The following CHUK variants were observed in gnomAD, a reference collection of about 807,000 sequenced individuals.
The protein encoded by CHUK is inhibitor of nuclear factor kappa-B kinase subunit alpha.
In CHUK, 35 loss-of-function variants were observed where a neutral mutation model predicts 104.8. The ratio of observed to expected loss-of-function variants is 0.33; its 90% CI spans 0.26 to 0.44. The LOEUF (loss-of-function observed/expected upper bound fraction) is 0.44. Ranked by LOEUF, CHUK falls within the 20% of genes least tolerant of loss-of-function variation. The probability of loss-of-function intolerance (pLI) is 1.00; values close to 1 mark genes in which losing one functional copy is unlikely to be tolerated. For missense variants in CHUK, 663 were observed against 902.7 expected (o/e 0.73, Z 3.40); for synonymous variants, 276 against 291.9 (o/e 0.95, Z 0.56).
In CHUK at chr10:100,194,040, T is replaced by G; in HGVS notation, c.1918A>C (p.Met640Leu). 6.2e-7 allele frequency: 1 copy of G among 1,613,852 alleles called. No homozygotes were observed. The highest frequency in any genetic ancestry group is 8.5e-7 in the Non-Finnish European group (1 of 1,179,772). The change falls in exon 18 of 21, where the codon ATG becomes CTG. Residue 640 changes from methionine to leucine, a missense_variant. Physicochemically the swap from Met to Leu is conservative, Grantham distance 15. Around this residue, in one of 5 missense-constraint regions of CHUK, gnomAD observed 311 missense variants for 393.4 expected, o/e 0.79. Transcript: ENST00000370397. ...TTCTGCCTTTTTCCCTGCATGAACA[T>G]GACAGTATTGTCAGCTTCTTTGATA... ...SNIKEADNTVMFMQGKRQKEI... is the reference protein window; with the variant it reads ...SNIKEADNTVLFMQGKRQKEI...
chr10:100,204,701 T>C (rs1845550621), intron 12 of CHUK, 44 bp from the exon 13 acceptor site: 5 of 1,482,454 alleles, frequency 3.4e-6, no homozygotes, highest in Admixed American at 1.7e-5. Context: ...AAAGATATTA[T>C]CAGCATTCAG....
chr10:100,192,290 A>G (rs956687641), intron 19 of CHUK, among the ~76,000 whole-genome samples: 6 of 152,240 alleles, frequency 3.9e-5, no homozygotes, highest in Admixed American at 3.9e-4. Context: ...AAAAGTAAGT[A>G]AAGTATTAAA....
At chr10:100,213,012 AAAAG>A (rs1845765122) in intron 9 of CHUK, among the ~76,000 whole-genome samples, 1 of 151,902 alleles carries the variant, frequency 6.6e-6, no homozygotes, top group African/African-American at 2.4e-5. Context: ...AAAAAAAAAA[AAAAG>A]AAAGAAGAAA....
chr10:100,186,951 G>C (rs931952173), downstream of CHUK: 3 of 152,332 alleles, frequency 2.0e-5, no homozygotes, highest in Middle Eastern at 3.4e-3. Context: ...TCAGGCATTA[G>C]ATTCTCACAG....
rs2230803 is a variant in CHUK, at chr10:100,220,598, A to G, written c.464T>C (p.Val155Ala). 5.7e-3 allele frequency: 9,101 copies of G among 1,609,226 alleles called. 274 individuals carry two copies. The highest frequency in any genetic ancestry group is 0.056 in the East Asian group (2,492 of 44,758). ...LKPENIVLQDVGGKIIHKIID... is the reference protein window; with the variant it reads ...LKPENIVLQDAGGKIIHKIID... ...TCAGGTTTCACCTACCTTTCCACCAACATCCTGAAGAACTATGTTTTCAGG... is the reference window on the plus strand; with the variant it reads ...TCAGGTTTCACCTACCTTTCCACCAGCATCCTGAAGAACTATGTTTTCAGG... The change falls in exon 5 of 21, where the codon GTT (valine) becomes GCT (alanine). Residue 155 changes from valine (V) to alanine (A), a missense_variant. Around this residue, in one of 5 missense-constraint regions of CHUK, gnomAD observed 200 missense variants for 333.0 expected, o/e 0.60. Transcript: ENST00000370397.
chr10:100,216,677 C>T (rs931813315), intron 9 of CHUK, among the ~76,000 whole-genome samples: 1 of 152,212 alleles, frequency 6.6e-6, no homozygotes, highest in African/African-American at 2.4e-5. Context: ...TCCAACATTA[C>T]ATGATTATAA....
At chr10:100,222,538 G>A (rs1373745232) in intron 3 of CHUK, among the ~76,000 whole-genome samples, 1 of 152,132 alleles carries the variant, frequency 6.6e-6, no homozygotes, top group Non-Finnish European at 1.5e-5. Context: ...TAACACCATT[G>A]CTATAGTCCC....
At chr10:100,196,944 CCTA>C (rs1845346380) in intron 16 of CHUK, among the ~76,000 whole-genome samples, 2 of 152,208 alleles carry the variant, frequency 1.3e-5, no homozygotes. Flanking sequence ...GCTAATCCCT[CCTA>C]CTGTTCTTTG....
chr10:100,204,037 A>T (rs17881130), intron 13 of CHUK, among the ~76,000 whole-genome samples: 1,931 of 152,268 alleles, frequency 0.013, 42 homozygotes, highest in African/African-American at 0.044. Context: ...GGGATGAGGG[A>T]TCTCATTCAG....
rs1207307062 is a variant in CHUK, at chr10:100,219,466, G to T, written c.475-107C>A. The T allele has an allele frequency of 4.4e-5, 31 of 708,328 alleles. No individual in the cohort carries two copies. The East Asian group carries it at 8.3e-4, about 19-fold the overall frequency. 43.9% of individuals were successfully genotyped at this position (708,328 alleles called of 1,614,324 possible). A position where few individuals can be genotyped will look rare whatever the true frequency, so the allele number is the denominator to read the frequency against. On this transcript the variant is annotated intron_variant, in intron 5 of 20. Transcript: ENST00000370397. ...AGACAGGGTAGTGGTGAGGACCTTG[G>T]GCTCTGTAATAACACAAAAATATTT...
intron 16 of CHUK, 57 bp from the exon 17 acceptor site, chr10:100,194,578 A>T (rs17881437): frequency 1.7e-6 from 2 of 1,167,392 alleles, no homozygotes; most frequent in Non-Finnish European, 2.5e-6. Context: ...ATCAGCCTCC[A>T]AACAAAAAAT....
intron 1 of CHUK, among the ~76,000 whole-genome samples, chr10:100,228,976 AGC>A (rs150099726): frequency 0.014 from 1,870 of 135,004 alleles, 41 homozygotes; most frequent in African/African-American, 0.046. Context: ...ATGGCCTCCA[AGC>A]GCGCGCGCGC....
intron 1 of CHUK, among the ~76,000 whole-genome samples, chr10:100,228,999 A>ACACACACACC (rs1203095255): frequency 6.9e-6 from 1 of 145,890 alleles, no homozygotes; most frequent in Non-Finnish European, 1.5e-5. Flanking sequence ...GCGCGCACAC[A>ACACACACACC]CACACACACA....
chr10:100,223,866 G>A (rs1846044275), intron 2 of CHUK, among the ~76,000 whole-genome samples: 1 of 152,196 alleles, frequency 6.6e-6, no homozygotes, highest in Admixed American at 6.5e-5. Flanking sequence ...AGATTGCTGT[G>A]ATAACTGGAA....
In CHUK at chr10:100,193,355, G is replaced by T; in HGVS notation, c.2051C>A (p.Pro684His). 1 of 1,614,104 alleles carries T rather than the reference G, an allele frequency of 6.2e-7. No homozygotes were observed. Among genetic ancestry groups the T allele is most frequent in the Non-Finnish European group, 8.5e-7 (1 of 1,179,990 alleles). Residue 684 changes from proline (P) to histidine (H), a missense_variant, in exon 19 of 21, where the codon CCC becomes CAC. Pro to His is a moderately conservative substitution (Grantham distance 77, BLOSUM62 -2). Coordinates refer to ENST00000370397, the MANE Select transcript of CHUK (RefSeq NM_001278.5). ...ATGATCATGTTCTGCTGAAGTCGGG[G>T]GCAGCCATGCTGATGTCTGAGGGGT... ...AVTPQTSAWL[P>H]PTSAEHDHSL...
At chr10:100,212,919 T>C (rs1461496503) in intron 9 of CHUK, among the ~76,000 whole-genome samples, 1 of 145,514 alleles carries the variant, frequency 6.9e-6, no homozygotes, top group Non-Finnish European at 1.5e-5. Flanking sequence ...GGCAGGAGAA[T>C]CGCCTGAACC....
At chr10:100,219,426 T>C (rs1845935579) in intron 5 of CHUK, 67 bp from the exon 6 acceptor site, 2 of 916,604 alleles carry the variant, frequency 2.2e-6, no homozygotes, top group African/African-American at 1.6e-5. Flanking sequence ...GACAACAATA[T>C]CCTTACGAGG....
chr10:100,198,420 T>C (rs538709392), intron 16 of CHUK, among the ~76,000 whole-genome samples: 16 of 152,370 alleles, frequency 1.1e-4, no homozygotes, highest in African/African-American at 3.6e-4. Context: ...AGTGAAACTG[T>C]CATTTTTTAA....
At chr10:100,206,684 A>G (rs182873804) in intron 11 of CHUK, among the ~76,000 whole-genome samples, 16 of 152,338 alleles carry the variant, frequency 1.1e-4, no homozygotes, top group East Asian at 5.8e-4. Context: ...AATTTAAAAG[A>G]AAAATTCAAA....
Sources: allele counts gnomAD v4.1 joint callset (sites outside exome capture counted in the v4.1 genomes callset), GRCh38; gene constraint gnomAD v4.1.1; regional missense constraint gnomAD v4.1.1; transcripts MANE v1.5; gene names NCBI Gene and HGNC (gene_info 2026-07-23, HGNC 2026-07-21).